SP140L: variants seen among roughly 807,000 people sequenced by gnomAD.
SP140L encodes nuclear body protein SP140-like protein.
SP140L carries 64 observed loss-of-function variants against 84.3 expected under a neutral mutation model. The ratio of observed to expected loss-of-function variants is 0.76; its 90% CI spans 0.62 to 0.94. The LOEUF (loss-of-function observed/expected upper bound fraction) is 0.94. Ranked by LOEUF, SP140L falls within the 40% of genes least tolerant of loss-of-function variation. The probability of loss-of-function intolerance (pLI) is 0.00; values close to 1 mark genes in which losing one functional copy is unlikely to be tolerated. For missense variants in SP140L, 628 were observed against 692.5 expected (o/e 0.91, Z 1.05); for synonymous variants, 242 against 236.9 (o/e 1.02, Z -0.20).
chr2:230,341,191 CTT>C (rs1401042199), intron 2 of SP140L, among the ~76,000 whole-genome samples: 6 of 139,894 alleles, frequency 4.3e-5, no homozygotes, highest in Non-Finnish European at 6.2e-5. Context: ...TTGCTCATTT[CTT>C]TTTATTCTTT....
intron 2 of SP140L, among the ~76,000 whole-genome samples, chr2:230,348,710 T>A (rs760992109): frequency 3.9e-5 from 6 of 152,248 alleles, no homozygotes; most frequent in Non-Finnish European, 8.8e-5. Context: ...ACAAAAGATT[T>A]CAGTTTTGTT....
Position 230,400,240 on chromosome 2 carries a change from GAAGT to G in SP140L, c.1313+3_1313+6del, listed in dbSNP as rs748553432. ...GCCACATCCCACCTGTGGAAAGTGAGAAGTAAGTGACATGCAGGCACCTCTCTTT... is the reference window on the plus strand; with the variant it reads ...GCCACATCCCACCTGTGGAAAGTGAGAAGTGACATGCAGGCACCTCTCTTT... On this transcript the variant is annotated splice_donor_variant and coding_sequence_variant, in exon 15 of 19. Transcript: ENST00000415673. LOFTEE classifies it high-confidence loss of function. 3 of 1,613,992 alleles carry G rather than the reference GAAGT, an allele frequency of 1.9e-6. No homozygotes were observed. The highest frequency in any genetic ancestry group is 2.5e-6 in the Non-Finnish European group (3 of 1,179,968).
intron 3 of SP140L, among the ~76,000 whole-genome samples, chr2:230,358,759 T>G (rs2060625945): frequency 6.6e-6 from 1 of 152,184 alleles, no homozygotes. Flanking sequence ...GGTGAAGCAA[T>G]CAGGCTCATC....
chr2:230,339,099 G>T (rs2059959673), intron 2 of SP140L, among the ~76,000 whole-genome samples: 1 of 146,866 alleles, frequency 6.8e-6, no homozygotes, highest in Non-Finnish European at 1.5e-5. Context: ...ACCTCTGGTA[G>T]AATTCGGCTG....
intron 1 of SP140L, among the ~76,000 whole-genome samples, chr2:230,327,984 C>G (rs1301103254): frequency 6.6e-6 from 1 of 152,218 alleles, no homozygotes; most frequent in Non-Finnish European, 1.5e-5. Flanking sequence ...GGGGATGCCT[C>G]TGACCAGAAA....
At chr2:230,375,010 T>C (rs1208910707) in intron 7 of SP140L, among the ~76,000 whole-genome samples, 1 of 152,224 alleles carries the variant, frequency 6.6e-6, no homozygotes, top group Non-Finnish European at 1.5e-5. Flanking sequence ...TTTTATCTGA[T>C]CAAATCTGTC....
At chr2:230,370,834 T>C (rs1032895301) in intron 5 of SP140L, 74 bp from the exon 6 acceptor site, 2 of 1,446,314 alleles carry the variant, frequency 1.4e-6, no homozygotes, top group Admixed American at 1.8e-5. Context: ...AGTTCATAAA[T>C]CACAATTTTG....
At chr2:230,355,109 G>A (rs550303642) in intron 2 of SP140L, among the ~76,000 whole-genome samples, 3 of 151,922 alleles carry the variant, frequency 2.0e-5, no homozygotes, top group South Asian at 4.2e-4. Context: ...CCTGACCAGC[G>A]AAATAAGATC....
intron 2 of SP140L, among the ~76,000 whole-genome samples, chr2:230,336,271 T>C (rs1451253211): frequency 1.3e-5 from 2 of 152,192 alleles, no homozygotes; most frequent in Non-Finnish European, 2.9e-5. Flanking sequence ...ATTAAACCAG[T>C]TGTGGTTGAT....
intron 2 of SP140L, among the ~76,000 whole-genome samples, chr2:230,347,932 A>G (rs902357398): frequency 3.3e-5 from 5 of 152,228 alleles, no homozygotes; most frequent in Admixed American, 2.6e-4. Context: ...TGATCCATGC[A>G]CTGGCCACTG....
chr2:230,329,794 A>G (rs1575419818), intron 2 of SP140L, among the ~76,000 whole-genome samples: 1 of 152,334 alleles, frequency 6.6e-6, no homozygotes, highest in African/African-American at 2.4e-5. Context: ...AGCAGTGTCA[A>G]AACAGATTAA....
At chr2:230,384,040 T>C (rs530919325) in intron 8 of SP140L, among the ~76,000 whole-genome samples, 1 of 152,150 alleles carries the variant, frequency 6.6e-6, no homozygotes, top group African/African-American at 2.4e-5. Context: ...TATCTGTGTG[T>C]ATGAAGAGAT....
chr2:230,393,513 T>C (rs1575544019), intron 13 of SP140L, 52 bp downstream of exon 13: 4 of 1,503,096 alleles, frequency 2.7e-6, no homozygotes, highest in Non-Finnish European at 3.5e-6. Context: ...AGATTTAACA[T>C]GTACAACATC....
intron 10 of SP140L, 150 bp downstream of exon 10, chr2:230,388,783 A>C: frequency 1.3e-6 from 1 of 754,926 alleles, no homozygotes; most frequent in Non-Finnish European, 2.0e-6. Context: ...GTCATTTTCC[A>C]AAATGTATCA....
chr2:230,381,079 G>A (rs2061388656), intron 7 of SP140L, among the ~76,000 whole-genome samples: 1 of 152,132 alleles, frequency 6.6e-6, no homozygotes, highest in South Asian at 2.1e-4. Flanking sequence ...GGTGGATGGT[G>A]CACTCACAAG....
chr2:230,388,421 G>T, intron 9 of SP140L, 138 bp from the exon 10 acceptor site: 3 of 589,858 alleles, frequency 5.1e-6, no homozygotes, highest in Non-Finnish European at 5.6e-6. Context: ...TACCTTAAAG[G>T]CTAGGGTTTA....
intron 15 of SP140L, chr2:230,400,688 C>A: frequency 1.4e-6 from 1 of 720,022 alleles, no homozygotes. Context: ...ACTCCTTGTG[C>A]TCCCAGCAGC....
rs2059609037 is a variant in SP140L, at chr2:230,327,363, G to GA, written c.32+62_32+63insA. On this transcript the variant is annotated intron_variant, in intron 1 of 18. Transcript: ENST00000415673. Reference sequence around the variant, plus strand: ...TGGCAGTATTGGAGCTTTCATGCCTGTAGTTCAGTTTCTGTCTAAAGCTTC... The same window carrying GA: ...TGGCAGTATTGGAGCTTTCATGCCTGATAGTTCAGTTTCTGTCTAAAGCTTC... 3.2e-6 allele frequency: 5 copies of GA among 1,563,420 alleles called. No individual in the cohort carries two copies. The East Asian group carries it at 1.2e-4, about 36-fold the overall frequency.
At chr2:230,388,530 A>G in intron 9 of SP140L, 29 bp from the exon 10 acceptor site, 1 of 1,574,884 alleles carries the variant, frequency 6.3e-7, no homozygotes, top group African/African-American at 1.4e-5. Flanking sequence ...CTCATTTGTA[A>G]CTGTGATTTT....
Sources: gnomAD v4.1 joint callset for allele counts (sites outside exome capture counted in the v4.1 genomes callset) on GRCh38, gnomAD v4.1.1 for gene constraint, MANE v1.5 for transcripts, NCBI Gene and HGNC (gene_info 2026-07-23, HGNC 2026-07-21) for gene names.